Variants in ADGRF3 observed in about 807,000 individuals in gnomAD.
The protein encoded by ADGRF3 is adhesion G protein-coupled receptor F3, also known as G protein-coupled receptor 113.
Under a neutral mutation model 93.2 loss-of-function variants are expected in ADGRF3, and 85 were observed. The ratio of observed to expected loss-of-function variants is 0.91; its 90% CI spans 0.77 to 1.09. The LOEUF is 1.09. Ranked by LOEUF, ADGRF3 falls within the 50% of genes least tolerant of loss-of-function variation. The probability of loss-of-function intolerance (pLI) is 0.00; values close to 1 mark genes in which losing one functional copy is unlikely to be tolerated. For missense variants in ADGRF3, 1,125 were observed against 1,246.2 expected (o/e 0.90, Z 1.46); for synonymous variants, 534 against 532.5 (o/e 1.00, Z -0.04).
intron 1 of ADGRF3, among the ~76,000 whole-genome samples, chr2:26,333,288 C>T (rs1236422165): frequency 6.6e-6 from 1 of 150,872 alleles, no homozygotes; most frequent in African/African-American, 2.4e-5. Context: ...GCAGGATGGG[C>T]TCCTTGAGTC....
intron 5 of ADGRF3, among the ~76,000 whole-genome samples, chr2:26,315,020 A>C (rs561623543): frequency 6.6e-6 from 1 of 152,308 alleles, no homozygotes; most frequent in East Asian, 1.9e-4. Flanking sequence ...ATTTTTATGA[A>C]AAATAACTAC....
chr2:26,319,081 A>ATGCAAATTT, intron 1 of ADGRF3: 1 of 1,531,992 alleles, frequency 6.5e-7, no homozygotes, highest in Non-Finnish European at 8.8e-7. Context: ...CAAGCCCACG[A>ATGCAAATTT]TGCAAATTTC....
At chr2:26,327,934 C>A (rs1451494348) in intron 1 of ADGRF3, among the ~76,000 whole-genome samples, 1 of 152,132 alleles carries the variant, frequency 6.6e-6, no homozygotes, top group Non-Finnish European at 1.5e-5. Flanking sequence ...GGTCTCCACC[C>A]CTCAACACTG....
At position 26,310,680 on chromosome 2, in the gene ADGRF3, C is replaced by G. The variant is rs780891382; in HGVS notation, c.2832+12G>C. 2 of 1,604,574 alleles carry G rather than the reference C, an allele frequency of 1.2e-6. No individual in the cohort carries two copies. Among genetic ancestry groups the G allele is most frequent in the East Asian group, 2.2e-5 (1 of 44,544 alleles). On this transcript the variant is annotated intron_variant, in intron 10 of 13. Coordinates refer to ENST00000651242, the MANE Select transcript of ADGRF3 (RefSeq NM_001321971.2). ...AAAAAGCAAAAAACACAGCCACCCC[C>G]CTATCACCTACCTGGAGGGTGTTGA...
In ADGRF3 at chr2:26,311,019, C is replaced by T; in HGVS notation, c.2505G>A (p.Gly835=). The T allele has an allele frequency of 6.2e-7, 1 of 1,612,392 alleles. No individual in the cohort carries two copies. Among genetic ancestry groups the T allele is most frequent in the Non-Finnish European group, 8.5e-7 (1 of 1,179,292 alleles). Residue 835 remains glycine (G), a synonymous_variant, in exon 10 of 14, where the codon GGG becomes GGA. Transcript: ENST00000651242. ...CPLGLAGVTL[G]LYLPQGQYLR... is the part of the protein sequence containing the mutation. ...GGTATTGCCCTTGAGGTAGGTAGAGCCCCAGGGTGACACCTGCCAACCCCA... is the reference window on the plus strand; with the variant it reads ...GGTATTGCCCTTGAGGTAGGTAGAGTCCCAGGGTGACACCTGCCAACCCCA...
Position 26,314,474 on chromosome 2 carries a change from A to T in ADGRF3, c.868T>A (p.Cys290Ser). Reference sequence around the variant, plus strand: ...TAGGCCAGGTTTGTGCTGGGGATGCAGCAGCTCAGCTGGAAGCCAGGGGAG... The same window carrying T: ...TAGGCCAGGTTTGTGCTGGGGATGCTGCAGCTCAGCTGGAAGCCAGGGGAG... ...ATSPGFQLSC[C>S]IPSTNLAYTA... Residue 290 changes from cysteine (C) to serine (S), a missense_variant, in exon 6 of 14, where the codon TGC (cysteine) becomes AGC (serine). Physicochemically the swap from Cys to Ser is moderately radical, Grantham distance 112. Transcript: ENST00000651242. The T allele has an allele frequency of 6.2e-7, 1 of 1,614,032 alleles. No homozygotes were observed. The highest frequency in any genetic ancestry group is 1.1e-5 in the South Asian group (1 of 91,082).
intron 1 of ADGRF3, among the ~76,000 whole-genome samples, chr2:26,323,925 G>A (rs576669459): frequency 1.7e-4 from 25 of 150,360 alleles, no homozygotes; most frequent in African/African-American, 5.6e-4. Context: ...CACTGCGCCC[G>A]GCCTCCATTA....
At chr2:26,336,063 C>T (rs1676016393) in intron 1 of ADGRF3, among the ~76,000 whole-genome samples, 1 of 152,014 alleles carries the variant, frequency 6.6e-6, no homozygotes, top group Non-Finnish European at 1.5e-5. Flanking sequence ...TCCAGTAAGA[C>T]AGAAAAGAAT....
chr2:26,312,451 T>G (rs576855172), intron 9 of ADGRF3, among the ~76,000 whole-genome samples: 2 of 152,308 alleles, frequency 1.3e-5, no homozygotes, highest in East Asian at 3.9e-4. Context: ...GAGGGCACCG[T>G]GTCCTGGAGG....
At chr2:26,320,677 A>G (rs2147894176) in intron 1 of ADGRF3, among the ~76,000 whole-genome samples, 1 of 152,352 alleles carries the variant, frequency 6.6e-6, no homozygotes, top group Non-Finnish European at 1.5e-5. Flanking sequence ...AAACATGTAC[A>G]TAAGAATATT....
intron 1 of ADGRF3, 82 bp from the exon 2 acceptor site, chr2:26,317,644 G>T: frequency 8.1e-7 from 1 of 1,228,662 alleles, no homozygotes; most frequent in Non-Finnish European, 1.2e-6. Flanking sequence ...CAGCCAGCAT[G>T]ACTCAGTCTC....
chr2:26,346,087 C>G, intron 1 of ADGRF3, 34 bp downstream of exon 1: 3 of 1,546,122 alleles, frequency 1.9e-6, no homozygotes, highest in Middle Eastern at 1.7e-4. Flanking sequence ...GAGGCGGCTA[C>G]GCGTGCGCGG....
intron 2 of ADGRF3, 54 bp downstream of exon 2, chr2:26,317,442 C>T (rs1198504566): frequency 6.6e-7 from 1 of 1,516,662 alleles, no homozygotes; most frequent in Admixed American, 2.0e-5. Flanking sequence ...GTTTCCACCT[C>T]ATTCCCAGCT....
chr2:26,328,643 G>A (rs747781833), intron 1 of ADGRF3, among the ~76,000 whole-genome samples: 8 of 152,012 alleles, frequency 5.3e-5, no homozygotes, highest in Non-Finnish European at 8.8e-5. Context: ...TAGTAGAGAC[G>A]GGGTTTCACC....
At chr2:26,328,374 C>A (rs1338281272) in intron 1 of ADGRF3, among the ~76,000 whole-genome samples, 1 of 151,640 alleles carries the variant, frequency 6.6e-6, no homozygotes, top group Non-Finnish European at 1.5e-5. Flanking sequence ...TTATCAGCCA[C>A]TATTTCAAAT....
chr2:26,313,434 C>G lies in ADGRF3; in HGVS notation c.1212G>C (p.Gly404=). The change falls in exon 8 of 14, where the codon GGG becomes GGC. Residue 404 remains glycine (G), a synonymous_variant. Transcript: ENST00000651242. ...CATCTGTGCAGCTGCTGTGGACCGG[C>G]CCCCAGACTCCGTCAGCCCCACAGA... is the stretch of plus-strand genomic sequence containing the variant. ...RRLCGADGVW[G]PVHSSCTDAR... is the part of the protein sequence containing the mutation. 1 of 1,608,148 alleles carries G rather than the reference C, an allele frequency of 6.2e-7. No homozygotes were observed. The highest frequency in any genetic ancestry group is 8.5e-7 in the Non-Finnish European group (1 of 1,177,258).
Position 26,311,869 on chromosome 2 carries a change from G to C in ADGRF3, c.1655C>G (p.Pro552Arg). 7 of 1,613,962 alleles carry C rather than the reference G, an allele frequency of 4.3e-6. No homozygotes were observed. The highest frequency in any genetic ancestry group is 1.3e-5 in the African/African-American group (1 of 75,070). Residue 552 changes from proline to arginine, a missense_variant, in exon 10 of 14, where the codon CCT (proline) becomes CGT (arginine). By Grantham distance (103) the Pro-to-Arg change is moderately radical. Transcript: ENST00000651242. ...AGGGAAGGAGATGCTGTAGTCAGCA[G>C]GAAACGTGGGTCCAAACAGCTGGCT... ...LQSQLFGPTF[P>R]ADYSISFPTR...
chr2:26,317,167 T>A, intron 2 of ADGRF3, 112 bp from the exon 3 acceptor site: 1 of 1,119,946 alleles, frequency 8.9e-7, no homozygotes, highest in Non-Finnish European at 1.3e-6. Flanking sequence ...GCAGACCCCC[T>A]CCCACAGCCT....
chr2:26,325,537 CT>C (rs1453841518), intron 1 of ADGRF3, among the ~76,000 whole-genome samples: 1 of 152,158 alleles, frequency 6.6e-6, no homozygotes, highest in Non-Finnish European at 1.5e-5. Flanking sequence ...TATATTAAAG[CT>C]ATGTACCTCA....
Sources: allele counts gnomAD v4.1 joint callset (sites outside exome capture counted in the v4.1 genomes callset), GRCh38; gene constraint gnomAD v4.1.1; transcripts MANE v1.5; gene names NCBI Gene and HGNC (gene_info 2026-07-23, HGNC 2026-07-21).